Variants in PSMD8 observed in about 807,000 individuals in gnomAD.
The protein encoded by PSMD8 is proteasome 26S subunit, non-ATPase 8.
Under a neutral mutation model 40.0 loss-of-function variants are expected in PSMD8, and 30 were observed. That is an observed-to-expected ratio of 0.75 (90% confidence interval 0.56 to 1.02). PSMD8 has a LOEUF of 1.02. PSMD8 is among the 50% of genes least tolerant of loss of function. The pLI, the probability that PSMD8 is intolerant of heterozygous loss-of-function variation, is 0.00. For missense variants in PSMD8, 461 were observed against 463.9 expected, an observed-to-expected ratio of 0.99 and a Z score of 0.06; for synonymous variants, 208 against 192.5, an observed-to-expected ratio of 1.08 and a Z score of -0.67.
intron 3 of PSMD8, 52 bp from the exon 4 acceptor site, chr19:38,379,188 T>A: frequency 6.4e-7 from 1 of 1,568,242 alleles, no homozygotes; most frequent in Non-Finnish European, 8.7e-7. Flanking sequence ...GGTAGAGGGC[T>A]CGCTAGGCCC....
chr19:38,382,179 G>A lies in PSMD8; in HGVS notation c.866G>A (p.Arg289Gln), dbSNP rs769998945. Residue 289 changes from arginine (R) to glutamine (Q), a missense_variant, in exon 6 of 7, where the codon CGG (arginine) becomes CAG (glutamine). Physicochemically the swap from Arg to Gln is conservative, Grantham distance 43. Coordinates refer to ENST00000215071, the MANE Select transcript of PSMD8 (RefSeq NM_002812.5). ...YEKILFTEAT[R>Q]ILFFNTPKKM... is the part of the protein sequence containing the mutation. ...AAAATCCTTTTCACTGAGGCCACCCGGATCCTCTTCTTCAACACACCCAAA... is the reference window on the plus strand; with the variant it reads ...AAAATCCTTTTCACTGAGGCCACCCAGATCCTCTTCTTCAACACACCCAAA... The A allele has an allele frequency of 5.6e-6, 9 of 1,596,194 alleles. No individual in the cohort carries two copies. Among genetic ancestry groups the A allele is most frequent in the Non-Finnish European group, 6.8e-6 (8 of 1,171,884 alleles).
chr19:38,376,137 TC>T, intron 1 of PSMD8, 22 bp from the exon 2 acceptor site: 1 of 1,565,706 alleles, frequency 6.4e-7, no homozygotes, highest in Non-Finnish European at 8.8e-7. Flanking sequence ...TTTTCTTTCT[TC>T]CCTCCCTCCC....
At chr19:38,375,201 G>T (rs1970588339) in intron 1 of PSMD8, 2 of 633,334 alleles carry the variant, frequency 3.2e-6, no homozygotes, top group Non-Finnish European at 2.6e-6. Flanking sequence ...AGCGCTTTGG[G>T]AGGCCGAGGC....
At chr19:38,382,956 G>T in intron 6 of PSMD8, 3 of 336,582 alleles carry the variant, frequency 8.9e-6, no homozygotes, top group Non-Finnish European at 1.1e-5. Flanking sequence ...GAATTTTAGT[G>T]ATGGTGACAG....
intron 5 of PSMD8, 188 bp downstream of exon 5, chr19:38,381,187 T>C: frequency 1.8e-6 from 1 of 547,542 alleles, no homozygotes; most frequent in Non-Finnish European, 3.2e-6. Flanking sequence ...ATAACGGCTC[T>C]CATCTCACCA....
chr19:38,382,050 G>C, intron 5 of PSMD8, 67 bp from the exon 6 acceptor site: 1 of 1,153,908 alleles, frequency 8.7e-7, no homozygotes, highest in Non-Finnish European at 1.3e-6. Context: ...CACATGTCAG[G>C]TCTGGGGGGA....
At position 38,382,234 on chromosome 19, in the gene PSMD8, T is replaced by TG; in HGVS notation, c.915+10dup. On this transcript the variant is annotated splice_region_variant and intron_variant, in intron 6 of 6. Transcript: ENST00000215071. ...TGACAGACTACGCCAAGAAGGTGGCTGGGGTACAGGGCAAGGGGCCGTGGG... is the reference window on the plus strand; with the variant it reads ...TGACAGACTACGCCAAGAAGGTGGCTGGGGGTACAGGGCAAGGGGCCGTGGG... 1.3e-6 allele frequency: 2 copies of TG among 1,578,256 alleles called. No individual in the cohort carries two copies. Among genetic ancestry groups the TG allele is most frequent in the Non-Finnish European group, 1.7e-6 (2 of 1,161,980 alleles).
Position 38,382,868 on chromosome 19 carries a change from C to T in PSMD8, c.916-385C>T, listed in dbSNP as rs778809898. Reference sequence around the variant, plus strand: ...TGGAGGTTGCAGTGAGCCGAGATCACGCCATTGCACTCCAGCCTGGGTGAC... The same window carrying T: ...TGGAGGTTGCAGTGAGCCGAGATCATGCCATTGCACTCCAGCCTGGGTGAC... On this transcript the variant is annotated intron_variant, in intron 6 of 6. Coordinates refer to ENST00000215071, the MANE Select transcript of PSMD8 (RefSeq NM_002812.5). The T allele has an allele frequency of 5.8e-4, 117 of 203,218 alleles. 1 individual carries two copies. The highest frequency in any genetic ancestry group is 9.0e-4 in the Non-Finnish European group (89 of 98,698). 12.6% of individuals were successfully genotyped at this position (203,218 alleles called of 1,614,324 possible). A position where few individuals can be genotyped will look rare whatever the true frequency, so the allele number is the denominator to read the frequency against.
chr19:38,383,459 A>G lies in PSMD8; in HGVS notation c.*69A>G, dbSNP rs980089170. 1.6e-5 allele frequency: 26 copies of G among 1,587,236 alleles called. No individual in the cohort carries two copies. Among genetic ancestry groups the G allele is most frequent in the Non-Finnish European group, 2.2e-5 (25 of 1,159,574 alleles). ...CAGTTACACTGCAGGGTTTCGCCCAATAAAGGTGGACTGACATTCCCTCTT... is the reference window on the plus strand; with the variant it reads ...CAGTTACACTGCAGGGTTTCGCCCAGTAAAGGTGGACTGACATTCCCTCTT... On this transcript the variant is annotated 3_prime_UTR_variant, in exon 7 of 7. Transcript: ENST00000215071.
chr19:38,376,385 T>C lies in PSMD8; in HGVS notation c.467T>C (p.Ile156Thr), dbSNP rs1970598216. The part of the protein sequence containing the change: ...DILEIGAQWS[I>T]LRKDIPSFER... ...CTGGAGATCGGGGCCCAATGGAGCA[T>C]CCTACGCAAGGACATCCCCTCCTTC... is the stretch of plus-strand genomic sequence containing the variant. The change falls in exon 3 of 7, where the codon ATC becomes ACC. Residue 156 changes from isoleucine (I) to threonine (T), a missense_variant. Ile to Thr is a moderately conservative substitution (Grantham distance 89). Around this residue, in one of 2 missense-constraint regions of PSMD8, gnomAD observed 236 missense variants for 321.2 expected, o/e 0.73. Transcript: ENST00000215071. 3 of 1,552,540 alleles carry C rather than the reference T, an allele frequency of 1.9e-6. No homozygotes were observed. The highest frequency in any genetic ancestry group is 2.6e-6 in the Non-Finnish European group (3 of 1,147,426).
rs1600500394 is a variant in PSMD8, at chr19:38,383,319, A to G, written c.982A>G (p.Thr328Ala). 1 of 1,612,776 alleles carries G rather than the reference A, an allele frequency of 6.2e-7. No individual in the cohort carries two copies. The highest frequency in any genetic ancestry group is 8.5e-7 in the Non-Finnish European group (1 of 1,179,776). The change falls in exon 7 of 7, where the codon ACC (threonine) becomes GCC (alanine). Residue 328 changes from threonine (T) to alanine (A), a missense_variant. Physicochemically the swap from Thr to Ala is moderately conservative, Grantham distance 58. Transcript: ENST00000215071. Reference protein sequence around the residue: ...FASQQQKPEDTTIPSTELAKQ... With the variant: ...FASQQQKPEDATIPSTELAKQ... ...CAGCCAGCAGCAGAAGCCGGAAGACACCACCATTCCCTCCACAGAACTGGC... is the reference window on the plus strand; with the variant it reads ...CAGCCAGCAGCAGAAGCCGGAAGACGCCACCATTCCCTCCACAGAACTGGC...
intron 1 of PSMD8, chr19:38,375,220 G>A: frequency 3.7e-6 from 2 of 545,738 alleles, no homozygotes; most frequent in East Asian, 3.7e-5. Context: ...GCGGGGGAGC[G>A]TCGCTTGAGC....
chr19:38,379,198 CT>C, intron 3 of PSMD8, 41 bp from the exon 4 acceptor site: 2 of 1,600,558 alleles, frequency 1.2e-6, no homozygotes, highest in Non-Finnish European at 1.7e-6. Flanking sequence ...TCGCTAGGCC[CT>C]TAAATCCTCC....
Position 38,374,804 on chromosome 19 carries a change from C to A in PSMD8, c.203C>A (p.Ala68Glu). 1 of 1,572,816 alleles carries A rather than the reference C, an allele frequency of 6.4e-7. No individual in the cohort carries two copies. Among genetic ancestry groups the A allele is most frequent in the Admixed American group, 1.8e-5 (1 of 55,718 alleles). Residue 68 changes from alanine (A) to glutamate (E), a missense_variant, in exon 1 of 7, where the codon GCG becomes GAG. Physicochemically the swap from Ala to Glu is moderately radical, Grantham distance 107. Coordinates refer to ENST00000215071, the MANE Select transcript of PSMD8 (RefSeq NM_002812.5). ...GCATCACGCAAGATGGCGGCCGCGG[C>A]GGTGAACGGGGCGGCAGGCTTCTCG... ...LAASRKMAAAAVNGAAGFSSS... is the reference protein window; with the variant it reads ...LAASRKMAAAEVNGAAGFSSS...
intron 3 of PSMD8, among the ~76,000 whole-genome samples, chr19:38,377,886 C>T (rs949788292): frequency 3.9e-5 from 6 of 152,148 alleles, no homozygotes; most frequent in East Asian, 1.9e-4. Flanking sequence ...GTGATCCACC[C>T]GCCTCGGCCT....
At position 38,374,655 on chromosome 19, in the gene PSMD8, T is replaced by G; in HGVS notation, c.54T>G (p.Ala18=). 1 of 1,518,120 alleles carries G rather than the reference T, an allele frequency of 6.6e-7. No individual in the cohort carries two copies. Among genetic ancestry groups the G allele is most frequent in the South Asian group, 1.2e-5 (1 of 80,476 alleles). 94.0% of individuals were successfully genotyped at this position (1,518,120 alleles called of 1,614,324 possible). A position where few individuals can be genotyped will look rare whatever the true frequency, so the allele number is the denominator to read the frequency against. ...PRAPPRERRR[A]TRGGLRQVVA... ...CGCCACCTCGAGAGCGACGGCGGGC[T>G]ACCCGGGGCGGGCTGAGGCAGGTTG... Residue 18 remains alanine (A), a synonymous_variant, in exon 1 of 7, where the codon GCT becomes GCG. Coordinates refer to ENST00000215071, the MANE Select transcript of PSMD8 (RefSeq NM_002812.5).
chr19:38,376,545 A>G, intron 3 of PSMD8, 91 bp downstream of exon 3: 2 of 1,130,288 alleles, frequency 1.8e-6, no homozygotes, highest in African/African-American at 1.6e-5. Context: ...CTCTTCCTTC[A>G]TCTGGGAACT....
chr19:38,382,070 G>A lies in PSMD8; in HGVS notation c.804-47G>A, dbSNP rs1970644945. 3 of 1,399,122 alleles carry A rather than the reference G, an allele frequency of 2.1e-6. No homozygotes were observed. In the East Asian group the frequency reaches 7.5e-5, roughly 35 times the overall value. The allele number at this position is 1,399,122 out of a possible 1,614,324, so 86.7% of individuals were successfully genotyped here. ...GTCAGGTCTGGGGGGACAGGTCCTG[G>A]GAGGTTGTTGATGCTCAGTAATGAG... On this transcript the variant is annotated intron_variant, in intron 5 of 6. Transcript: ENST00000215071.
intron 6 of PSMD8, chr19:38,382,613 G>C (rs1189775868): frequency 2.4e-6 from 1 of 414,024 alleles, no homozygotes; most frequent in Non-Finnish European, 4.3e-6. Context: ...AATTGGGCTG[G>C]GTGCAGTGGC....
Sources: gnomAD v4.1 joint callset for allele counts (sites outside exome capture counted in the v4.1 genomes callset) on GRCh38, gnomAD v4.1.1 for gene constraint, gnomAD v4.1.1 regional missense constraint, MANE v1.5 for transcripts, NCBI Gene and HGNC (gene_info 2026-07-23, HGNC 2026-07-21) for gene names.